The following ARHGEF26 variants were observed in gnomAD, a reference collection of about 807,000 sequenced individuals.
ARHGEF26 encodes Rho guanine nucleotide exchange factor (GEF) 26.
ARHGEF26 carries 59 observed loss-of-function variants against 89.4 expected under a neutral mutation model. That is an observed-to-expected ratio of 0.66 (90% CI 0.54 to 0.82). The LOEUF (loss-of-function observed/expected upper bound fraction) is 0.82, where lower values mean the gene tolerates loss of function less well. Among genes scored for constraint, ARHGEF26 ranks in the 40% least tolerant of loss-of-function variants. The pLI is 0.00. For synonymous variants in ARHGEF26, 500 were observed against 428.4 expected (o/e 1.17, Z -2.06); for missense variants, 1,234 against 1,085.6 (o/e 1.14, Z -1.92).
In ARHGEF26 at chr3:154,238,396, A is replaced by G. The variant is rs1370596868; in HGVS notation, c.2091-1974A>G. Among the ~76,000 whole-genome samples, 3 of 152,190 alleles carry G rather than the reference A, an allele frequency of 2.0e-5. No individual in the cohort carries two copies. The East Asian group carries it at 5.8e-4, about 29-fold the overall frequency. ...GATCAGAAGGCAATATTTTGCTTTT[A>G]TAGATAACTGCATTTGCTGTTTTTT... On this transcript the variant is annotated intron_variant, in intron 11 of 14. Coordinates refer to ENST00000465093, the MANE Select transcript of ARHGEF26 (RefSeq NM_015595.4).
chr3:154,142,077 A>G (rs141776897), intron 4 of ARHGEF26, among the ~76,000 whole-genome samples: 1 of 152,352 alleles, frequency 6.6e-6, no homozygotes, highest in African/African-American at 2.4e-5. Flanking sequence ...AGTGAATGAC[A>G]CAGTTGAAAT....
chr3:154,223,725 G>T (rs1304336891), intron 10 of ARHGEF26, among the ~76,000 whole-genome samples: 1 of 152,104 alleles, frequency 6.6e-6, no homozygotes, highest in Non-Finnish European at 1.5e-5. Flanking sequence ...TGCATATGGG[G>T]TTTCCTTTTG....
chr3:154,124,213 T>C (rs1429488501), intron 2 of ARHGEF26, among the ~76,000 whole-genome samples, 197 bp from the exon 3 acceptor site: 1 of 152,164 alleles, frequency 6.6e-6, no homozygotes, highest in Non-Finnish European at 1.5e-5. Flanking sequence ...TTTTATTTCA[T>C]TGTTTCAGTG....
At chr3:154,227,670 G>A (rs1195307191) in intron 11 of ARHGEF26, among the ~76,000 whole-genome samples, 2 of 152,058 alleles carry the variant, frequency 1.3e-5, no homozygotes, top group East Asian at 3.9e-4. Context: ...TTTTTCCTTG[G>A]CTTTCTCCAG....
intron 11 of ARHGEF26, among the ~76,000 whole-genome samples, chr3:154,237,350 T>A (rs988211155): frequency 6.6e-5 from 10 of 152,002 alleles, no homozygotes; most frequent in Admixed American, 6.5e-5. Flanking sequence ...CAGACCAGCA[T>A]GGCCAACATG....
Position 154,122,453 on chromosome 3 carries a change from C to T in ARHGEF26, c.461C>T (p.Ala154Val), listed in dbSNP as rs1718020853. The change falls in exon 2 of 15, where the codon GCC becomes GTC. Residue 154 changes from alanine to valine, a missense_variant. Transcript: ENST00000465093. ...CCCCCGCGGACTCCTAACGCGCCCG[C>T]CCCCTGCACCCCCGAGGAGGACCTT... ...LRPPRTPNAP[A>V]PCTPEEDLTG... 2 of 1,612,024 alleles carry T rather than the reference C, an allele frequency of 1.2e-6. No individual in the cohort carries two copies. Among genetic ancestry groups the T allele is most frequent in the African/African-American group, 1.3e-5 (1 of 75,042 alleles).
intron 12 of ARHGEF26, 135 bp from the exon 13 acceptor site, chr3:154,252,981 C>G (rs930327487): frequency 1.1e-6 from 1 of 878,240 alleles, no homozygotes; most frequent in Non-Finnish European, 1.8e-6. Context: ...TTAAACTACT[C>G]TCACCCTGTT....
In ARHGEF26 at chr3:154,257,047, A is replaced by G; in HGVS notation, c.*1574A>G. The G allele has an allele frequency of 7.0e-7, 1 of 1,424,096 alleles. No homozygotes were observed. The highest frequency in any genetic ancestry group is 1.5e-5 in the South Asian group (1 of 65,492). 88.2% of individuals were successfully genotyped at this position (1,424,096 alleles called of 1,614,324 possible). On this transcript the variant is annotated 3_prime_UTR_variant, in exon 15 of 15. Transcript: ENST00000465093. ...TGGAGGACTCAAATCTGTATGTGAC[A>G]TGTCCCAACTACTGTCCGCTAACTA...
intron 11 of ARHGEF26, among the ~76,000 whole-genome samples, chr3:154,230,324 A>G (rs1231001608): frequency 6.6e-6 from 1 of 152,180 alleles, no homozygotes; most frequent in Non-Finnish European, 1.5e-5. Context: ...GAGAGATAAA[A>G]TATCTTTTTC....
At chr3:154,121,257 G>C (rs1043118892), upstream of ARHGEF26, 1 of 152,360 alleles carries the variant, frequency 6.6e-6, no homozygotes, top group African/African-American at 2.4e-5. Context: ...GGTTTCCCAG[G>C]GAGACTGGGG....
intron 12 of ARHGEF26, among the ~76,000 whole-genome samples, chr3:154,247,224 CA>C (rs1458876681): frequency 6.6e-6 from 1 of 152,118 alleles, no homozygotes; most frequent in Non-Finnish European, 1.5e-5. Flanking sequence ...GCAGCCTGTC[CA>C]AAACCAAACA....
At chr3:154,180,963 T>C (rs1713147191) in intron 6 of ARHGEF26, among the ~76,000 whole-genome samples, 1 of 152,182 alleles carries the variant, frequency 6.6e-6, no homozygotes, top group Non-Finnish European at 1.5e-5. Context: ...GATTTTGATG[T>C]ATTGTTAATG....
Position 154,240,593 on chromosome 3 carries a change from G to A in ARHGEF26, c.2300+14G>A, listed in dbSNP as rs1327104866. 1.9e-6 allele frequency: 3 copies of A among 1,591,036 alleles called. No homozygotes were observed. Among genetic ancestry groups the A allele is most frequent in the Non-Finnish European group, 2.6e-6 (3 of 1,168,232 alleles). ...AGCTGAGACGCAGTAAGTATATGTG[G>A]GGAAAAGATTGGAATAGCTGATAGT... On this transcript the variant is annotated intron_variant, in intron 12 of 14. Coordinates refer to ENST00000465093, the MANE Select transcript of ARHGEF26 (RefSeq NM_015595.4).
intron 4 of ARHGEF26, among the ~76,000 whole-genome samples, chr3:154,144,418 A>G (rs896647730): frequency 2.0e-5 from 3 of 152,224 alleles, no homozygotes; most frequent in Non-Finnish European, 2.9e-5. Flanking sequence ...AACATTTGAT[A>G]TAATGGTAGT....
At chr3:154,162,819 TG>T (rs11360002) in intron 6 of ARHGEF26, among the ~76,000 whole-genome samples, 1,858 of 152,224 alleles carry the variant, frequency 0.012, 17 homozygotes, top group Non-Finnish European at 0.017. Flanking sequence ...ATAAGATGCT[TG>T]GGAAAGGAAT....
chr3:154,126,125 A>G (rs577354210), intron 3 of ARHGEF26, among the ~76,000 whole-genome samples: 1 of 152,332 alleles, frequency 6.6e-6, no homozygotes, highest in East Asian at 1.9e-4. Flanking sequence ...GGGGAGACTC[A>G]GCCTTTACCC....
chr3:154,222,678 T>C (rs1716210636), intron 10 of ARHGEF26, among the ~76,000 whole-genome samples: 1 of 152,184 alleles, frequency 6.6e-6, no homozygotes, highest in Non-Finnish European at 1.5e-5. Flanking sequence ...GTGAGTGGGA[T>C]GTGAAGCAGT....
chr3:154,204,042 C>G (rs1714843398), intron 9 of ARHGEF26, among the ~76,000 whole-genome samples: 1 of 152,068 alleles, frequency 6.6e-6, no homozygotes. Flanking sequence ...CCCTCCTCCT[C>G]TATTTCCTGG....
Position 154,255,731 on chromosome 3 carries a change from A to T in ARHGEF26, c.*258A>T, listed in dbSNP as rs1576839084. The stretch of plus-strand genomic sequence containing the variant: ...ACAGAATAGCTGAGCAGTTCACTTC[A>T]GGGATCAGGTCATCTCTGCTCCTCC... On this transcript the variant is annotated 3_prime_UTR_variant, in exon 15 of 15. Transcript: ENST00000465093. 7.8e-7 allele frequency: 1 copy of T among 1,273,906 alleles called. No homozygotes were observed. The highest frequency in any genetic ancestry group is 1.5e-5 in the African/African-American group (1 of 66,176). The allele number at this position is 1,273,906 out of a possible 1,614,324, so 78.9% of individuals were successfully genotyped here. A position where few individuals can be genotyped will look rare whatever the true frequency, so the allele number is the denominator to read the frequency against.
Sources: allele counts gnomAD v4.1 joint callset (sites outside exome capture counted in the v4.1 genomes callset), GRCh38; gene constraint gnomAD v4.1.1; transcripts MANE v1.5; gene names NCBI Gene and HGNC (gene_info 2026-07-23, HGNC 2026-07-21).